Variants in PRRC2B observed in about 807,000 individuals in gnomAD.
The protein encoded by PRRC2B is proline rich coiled-coil 2B.
PRRC2B carries 68 observed loss-of-function variants against 242.3 expected under a neutral mutation model. The observed-to-expected ratio is 0.28, with a 90% CI of 0.23 to 0.34. PRRC2B has a LOEUF of 0.34. Ranked by LOEUF, PRRC2B falls within the 10% of genes least tolerant of loss-of-function variation. The pLI, the probability that PRRC2B is intolerant of heterozygous loss-of-function variation, is 1.00. For missense variants in PRRC2B, 2,835 were observed against 2,954.8 expected (o/e 0.96, Z 0.94); for synonymous variants, 1,228 against 1,173.6 (o/e 1.05, Z -0.95).
chr9:131,379,887 G>A (rs1351075200), intron 1 of PRRC2B, among the ~76,000 whole-genome samples: 1 of 150,694 alleles, frequency 6.6e-6, no homozygotes, highest in Non-Finnish European at 1.5e-5. Context: ...GCCTCCCAAA[G>A]TGCTGGGATT....
In PRRC2B at chr9:131,492,238, G is replaced by C. The variant is rs547195022; in HGVS notation, c.6451G>C (p.Val2151Leu). 10 of 1,613,788 alleles carry C rather than the reference G, an allele frequency of 6.2e-6. No individual in the cohort carries two copies. Among genetic ancestry groups the C allele is most frequent in the South Asian group, 1.1e-5 (1 of 91,078 alleles). The stretch of plus-strand genomic sequence containing the variant: ...ACAGAATGTCCCTTCAGGAGGCCCC[G>C]TGCCATCGCCACAGACCTACAGGTA... Reference protein sequence around the residue: ...SKQNVPSGGPVPSPQTYRPSS... With the variant: ...SKQNVPSGGPLPSPQTYRPSS... The change falls in exon 30 of 32, where the codon GTG (valine) becomes CTG (leucine). Residue 2151 changes from valine to leucine, a missense_variant. Physicochemically the swap from Val to Leu is conservative, Grantham distance 32 (BLOSUM62 1). This residue lies in a region of PRRC2B where 574 missense variants were observed against 626.0 expected (regional missense o/e 0.92). Transcript: ENST00000683519.
chr9:131,399,182 C>A (rs2131280588), intron 1 of PRRC2B, among the ~76,000 whole-genome samples: 1 of 147,500 alleles, frequency 6.8e-6, no homozygotes, highest in South Asian at 2.1e-4. Flanking sequence ...AGGGGTGAGG[C>A]TGGAGAATCA....
In PRRC2B at chr9:131,482,278, G is replaced by A. The variant is rs960368128; in HGVS notation, c.4984-93G>A. 1.3e-5 allele frequency: 17 copies of A among 1,356,924 alleles called. No individual in the cohort carries two copies. In the African/African-American group the frequency reaches 2.2e-4, roughly 17 times the overall value. The allele number at this position is 1,356,924 out of a possible 1,614,324, so 84.1% of individuals were successfully genotyped here. A position where few individuals can be genotyped will look rare whatever the true frequency, so the allele number is the denominator to read the frequency against. On this transcript the variant is annotated intron_variant, in intron 20 of 31. Transcript: ENST00000683519. This position sits in a 1 kb window ranked among gnomAD's most constrained non-coding sequence, Gnocchi z 5.2. Reference sequence around the variant, plus strand: ...CAGACTTGGCAAGGGACAGGCAGCTGGGGTAGAAAAGTCTCTGTGCCACAT... The same window carrying A: ...CAGACTTGGCAAGGGACAGGCAGCTAGGGTAGAAAAGTCTCTGTGCCACAT...
intron 1 of PRRC2B, among the ~76,000 whole-genome samples, chr9:131,394,759 G>C (rs1309353119): frequency 6.6e-6 from 1 of 151,684 alleles, no homozygotes; most frequent in Non-Finnish European, 1.5e-5. Context: ...GCGCTGAGCG[G>C]CGTTCGCGGG....
chr9:131,410,457 CTG>C (rs1164613094), intron 1 of PRRC2B, among the ~76,000 whole-genome samples: 1 of 152,212 alleles, frequency 6.6e-6, no homozygotes, highest in Non-Finnish European at 1.5e-5. Context: ...GGGCCATTCT[CTG>C]GGGCCCACCG....
intron 5 of PRRC2B, among the ~76,000 whole-genome samples, chr9:131,440,580 C>G (rs909271816): frequency 6.6e-6 from 1 of 152,174 alleles, no homozygotes; most frequent in Admixed American, 6.5e-5. Flanking sequence ...GGAAATTGCT[C>G]TACAAATTAT....
At chr9:131,480,425 A>G (rs953191371) in intron 19 of PRRC2B, among the ~76,000 whole-genome samples, 8 of 152,116 alleles carry the variant, frequency 5.3e-5, no homozygotes, top group African/African-American at 1.9e-4. Flanking sequence ...TTGGTGTCCA[A>G]AAATGCCCAG....
chr9:131,471,116 T>C, intron 14 of PRRC2B, 133 bp downstream of exon 14: 1 of 584,836 alleles, frequency 1.7e-6, no homozygotes, highest in East Asian at 3.4e-5. Context: ...CTGGTCTGAG[T>C]TTCAAAGTAG....
intron 5 of PRRC2B, among the ~76,000 whole-genome samples, 192 bp from the exon 6 acceptor site, chr9:131,443,993 A>G (rs960995029): frequency 1.3e-5 from 2 of 152,208 alleles, no homozygotes; most frequent in Non-Finnish European, 2.9e-5. Context: ...AAGGGGCATG[A>G]TGCTGTCAGC....
chr9:131,440,753 G>T (rs1194603000), intron 5 of PRRC2B, among the ~76,000 whole-genome samples: 1 of 152,108 alleles, frequency 6.6e-6, no homozygotes, highest in Admixed American at 6.6e-5. Flanking sequence ...TATTGATTTG[G>T]CAAGATCTTC....
rs889374363 is a variant in PRRC2B, at chr9:131,476,344, G to C, written c.4215G>C (p.Leu1405=). ...SEPDSQVDGG[L]SGASLGEKKE... Reference sequence around the variant, plus strand: ...CCGACTCCCAGGTGGATGGTGGCCTGTCGGGGGCTAGTTTGGGTGAGAAGA... The same window carrying C: ...CCGACTCCCAGGTGGATGGTGGCCTCTCGGGGGCTAGTTTGGGTGAGAAGA... Residue 1405 remains leucine, a synonymous_variant, in exon 16 of 32, where the codon CTG becomes CTC. Transcript: ENST00000683519. 2 of 1,587,908 alleles carry C rather than the reference G, an allele frequency of 1.3e-6. No homozygotes were observed. Among genetic ancestry groups the C allele is most frequent in the Non-Finnish European group, 8.6e-7 (1 of 1,167,374 alleles).
chr9:131,379,246 A>G (rs559886396), intron 1 of PRRC2B, among the ~76,000 whole-genome samples: 4 of 152,278 alleles, frequency 2.6e-5, no homozygotes, highest in Admixed American at 6.6e-5. Flanking sequence ...TAATGATGAT[A>G]TGAACATTCG....
chr9:131,411,426 A>G (rs1048070778), intron 1 of PRRC2B, among the ~76,000 whole-genome samples: 15 of 147,528 alleles, frequency 1.0e-4, no homozygotes, highest in Admixed American at 3.4e-4. Context: ...GGCTCACTGC[A>G]AGCTCCACCT....
In PRRC2B at chr9:131,496,000, T is replaced by C; in HGVS notation, c.*126T>C. On this transcript the variant is annotated 3_prime_UTR_variant, in exon 32 of 32. Coordinates refer to ENST00000683519, the MANE Select transcript of PRRC2B (RefSeq NM_013318.4). The stretch of plus-strand genomic sequence containing the variant: ...AATGCGTGGCCCAGACTGAGAGACC[T>C]CCCTCCTCTCCACTCCCGAAAGCTC... The C allele has an allele frequency of 7.8e-7, 1 of 1,282,068 alleles. No homozygotes were observed. Among genetic ancestry groups the C allele is most frequent in the Non-Finnish European group, 1.1e-6 (1 of 941,156 alleles). 79.4% of individuals were successfully genotyped at this position (1,282,068 alleles called of 1,614,324 possible).
In PRRC2B at chr9:131,476,619, G is replaced by C; in HGVS notation, c.4406+84G>C. 4 of 1,291,332 alleles carry C rather than the reference G, an allele frequency of 3.1e-6. No individual in the cohort carries two copies. In the Admixed American group the frequency reaches 7.9e-5, roughly 25 times the overall value. 80.0% of individuals were successfully genotyped at this position (1,291,332 alleles called of 1,614,324 possible). ...GAGTTCACGCATGCATGCCGATGCC[G>C]CCGTGTGTCGGGGCTGGGGGCCTGC... On this transcript the variant is annotated intron_variant, in intron 16 of 31. Transcript: ENST00000683519.
At chr9:131,400,672 A>T (rs1837204836) in intron 1 of PRRC2B, among the ~76,000 whole-genome samples, 1 of 152,114 alleles carries the variant, frequency 6.6e-6, no homozygotes, top group Non-Finnish European at 1.5e-5. Flanking sequence ...TCCGCCTATC[A>T]AAGTGCTGGG....
chr9:131,485,327 C>T (rs796776538), intron 25 of PRRC2B, among the ~76,000 whole-genome samples, 187 bp downstream of exon 25: 8 of 152,330 alleles, frequency 5.3e-5, no homozygotes, highest in Admixed American at 2.0e-4. Context: ...TGCTTCCCCA[C>T]GCTGGGAAAC....
chr9:131,447,538 G>A, intron 8 of PRRC2B, 124 bp from the exon 9 acceptor site: 1 of 1,024,238 alleles, frequency 9.8e-7, no homozygotes, highest in Non-Finnish European at 1.4e-6. Context: ...TCTTTTAAAG[G>A]AACTGATAGA....
At chr9:131,411,455 T>A (rs1439575378) in intron 1 of PRRC2B, among the ~76,000 whole-genome samples, 2 of 150,060 alleles carry the variant, frequency 1.3e-5, no homozygotes, top group Admixed American at 1.3e-4. Context: ...CACTCCATTC[T>A]CCTGCCTCAG....
Sources: allele counts gnomAD v4.1 joint callset (sites outside exome capture counted in the v4.1 genomes callset), GRCh38; gene constraint gnomAD v4.1.1; regional missense constraint gnomAD v4.1.1; non-coding constraint Gnocchi (gnomAD v3.1); transcripts MANE v1.5; gene names NCBI Gene and HGNC (gene_info 2026-07-23, HGNC 2026-07-21).